Variants in RGS7 observed in about 807,000 individuals in gnomAD.
The protein encoded by RGS7 is regulator of G-protein signaling 7.
Under a neutral mutation model 81.1 loss-of-function variants are expected in RGS7, and 27 were observed. That is an observed-to-expected ratio of 0.33 (90% CI 0.25 to 0.46). The LOEUF (loss-of-function observed/expected upper bound fraction) is 0.46. Among genes scored for constraint, RGS7 ranks in the 20% least tolerant of loss-of-function variants. The pLI is 1.00. For synonymous variants in RGS7, 208 were observed against 207.7 expected, an observed-to-expected ratio of 1.00 and a Z score of -0.01; for missense variants, 396 against 607.4, an observed-to-expected ratio of 0.65 and a Z score of 3.66.
intron 2 of RGS7, among the ~76,000 whole-genome samples, chr1:241,290,820 G>T (rs2079048296): frequency 6.6e-6 from 1 of 152,066 alleles, no homozygotes; most frequent in Non-Finnish European, 1.5e-5. Context: ...TCATGAAATG[G>T]CGAGACAGAT....
At chr1:240,826,163 T>C (rs1179311467) in intron 10 of RGS7, among the ~76,000 whole-genome samples, 1 of 152,068 alleles carries the variant, frequency 6.6e-6, no homozygotes, top group Non-Finnish European at 1.5e-5. Flanking sequence ...TCTTGGAGAG[T>C]TCCTACGGGC....
At chr1:241,118,089 C>T (rs544570298) in intron 2 of RGS7, among the ~76,000 whole-genome samples, 24 of 151,552 alleles carry the variant, frequency 1.6e-4, no homozygotes, top group African/African-American at 2.9e-4. Flanking sequence ...GTGAAGCCTA[C>T]TATTTTTATT....
intron 18 of RGS7, among the ~76,000 whole-genome samples, chr1:240,783,695 A>G (rs977133087): frequency 3.3e-5 from 5 of 152,040 alleles, no homozygotes; most frequent in African/African-American, 1.2e-4. Flanking sequence ...GTTGATGGTA[A>G]GGAGCCCTGA....
chr1:241,276,670 A>G (rs1457980479), intron 2 of RGS7, among the ~76,000 whole-genome samples: 1 of 152,202 alleles, frequency 6.6e-6, no homozygotes, highest in African/African-American at 2.4e-5. Context: ...TTCTCTGATA[A>G]AAGTATTTTG....
At chr1:241,045,342 G>A (rs1247470507) in intron 3 of RGS7, among the ~76,000 whole-genome samples, 1 of 151,970 alleles carries the variant, frequency 6.6e-6, no homozygotes, top group Non-Finnish European at 1.5e-5. Context: ...TTATGTCTAG[G>A]TGTCTTTGTA....
intron 2 of RGS7, among the ~76,000 whole-genome samples, chr1:241,322,218 C>T (rs568446457): frequency 6.6e-6 from 1 of 152,298 alleles, no homozygotes; most frequent in South Asian, 2.1e-4. Flanking sequence ...GTAAGTAAAC[C>T]TCACCTTGCT....
At chr1:241,297,282 T>C (rs1465095881) in intron 2 of RGS7, among the ~76,000 whole-genome samples, 1 of 152,160 alleles carries the variant, frequency 6.6e-6, no homozygotes, top group Non-Finnish European at 1.5e-5. Context: ...TAAGAATAAA[T>C]CCTCAGAAGG....
At chr1:241,233,590 A>G (rs1303049681) in intron 2 of RGS7, among the ~76,000 whole-genome samples, 1 of 152,170 alleles carries the variant, frequency 6.6e-6, no homozygotes, top group Non-Finnish European at 1.5e-5. Context: ...ATGGTTGGGT[A>G]ATATTCCATT....
chr1:240,812,555 C>T lies in RGS7; in HGVS notation c.957-512G>A, dbSNP rs1480686382. 2.0e-5 allele frequency among the ~76,000 whole-genome samples: 3 copies of T among 151,828 alleles called. No individual in the cohort carries two copies. The East Asian group carries it at 5.8e-4, about 29-fold the overall frequency. ...GTTCAAGAGAGTCTCCTGCTTCAGC[C>T]TCCCGGGTAGCTGGTATTACAGGCA... On this transcript the variant is annotated intron_variant, in intron 13 of 18. Coordinates refer to ENST00000440928, the MANE Select transcript of RGS7 (RefSeq NM_001364886.1).
chr1:240,837,016 G>A (rs1162649631), intron 9 of RGS7, among the ~76,000 whole-genome samples: 1 of 152,104 alleles, frequency 6.6e-6, no homozygotes, highest in Non-Finnish European at 1.5e-5. Flanking sequence ...TGCCTTGCAG[G>A]TACCATTCTC....
intron 4 of RGS7, among the ~76,000 whole-genome samples, chr1:240,951,952 A>G (rs1406507429): frequency 1.3e-5 from 2 of 152,162 alleles, no homozygotes; most frequent in African/African-American, 2.4e-5. Flanking sequence ...ATCAGAAACT[A>G]TGTGGGCAAA....
intron 18 of RGS7, among the ~76,000 whole-genome samples, chr1:240,799,414 G>A (rs1394546022): frequency 1.3e-5 from 2 of 150,192 alleles, no homozygotes; most frequent in African/African-American, 2.4e-5. Context: ...GTGAAATCCT[G>A]CAAATTCAGT....
At chr1:241,221,033 GGA>G in intron 2 of RGS7, among the ~76,000 whole-genome samples, 1 of 96,038 alleles carries the variant, frequency 1.0e-5, no homozygotes, top group African/African-American at 3.7e-5. Context: ...AAGGAAGGAA[GGA>G]AGGAAAAGAA....
In RGS7 at chr1:241,070,847, C is replaced by T. The variant is rs144835046; in HGVS notation, c.175+27819G>A. Among the ~76,000 whole-genome samples the T allele has an allele frequency of 5.4e-3, 826 of 152,228 alleles. 17 individuals are homozygous for T. The highest frequency in any genetic ancestry group is 0.049 in the Admixed American group (751 of 15,292). Reference sequence around the variant, plus strand: ...CTGGAAGAGAAAATGGGAAAGAATCCACCATAAGAACATGACTCAAAGAGG... The same window carrying T: ...CTGGAAGAGAAAATGGGAAAGAATCTACCATAAGAACATGACTCAAAGAGG... On this transcript the variant is annotated intron_variant, in intron 3 of 18. Transcript: ENST00000440928.
intron 2 of RGS7, among the ~76,000 whole-genome samples, chr1:241,336,584 C>G (rs1046681976): frequency 2.0e-5 from 3 of 152,210 alleles, no homozygotes; most frequent in Non-Finnish European, 4.4e-5. Context: ...CCTCCTTCGG[C>G]TTTCTTAACA....
chr1:240,856,940 C>T (rs1412046131), intron 9 of RGS7, among the ~76,000 whole-genome samples: 1 of 152,042 alleles, frequency 6.6e-6, no homozygotes, highest in African/African-American at 2.4e-5. Context: ...ACAAACAAAG[C>T]CAAGCACACT....
At chr1:240,895,872 C>T (rs2148169906) in intron 6 of RGS7, among the ~76,000 whole-genome samples, 1 of 152,266 alleles carries the variant, frequency 6.6e-6, no homozygotes, top group South Asian at 2.1e-4. Context: ...CGCTGTCTTC[C>T]ACAATGGTTG....
chr1:240,898,876 A>C (rs903843888), intron 6 of RGS7, among the ~76,000 whole-genome samples: 1 of 152,206 alleles, frequency 6.6e-6, no homozygotes, highest in African/African-American at 2.4e-5. Flanking sequence ...TAATGTTGAC[A>C]GTGGGATGTT....
At chr1:241,165,462 G>A (rs1159647210) in intron 2 of RGS7, among the ~76,000 whole-genome samples, 1 of 151,948 alleles carries the variant, frequency 6.6e-6, no homozygotes, top group Admixed American at 6.6e-5. Context: ...AAAAAATGAT[G>A]AGTTCATGTC....
Sources: allele counts gnomAD v4.1 joint callset (sites outside exome capture counted in the v4.1 genomes callset), GRCh38; gene constraint gnomAD v4.1.1; transcripts MANE v1.5; gene names NCBI Gene and HGNC (gene_info 2026-07-23, HGNC 2026-07-21).